Variants in TLK1 observed in about 807,000 individuals in gnomAD.
The protein encoded by TLK1 is serine/threonine-protein kinase tousled-like 1.
In TLK1, 24 loss-of-function variants were observed where a neutral mutation model predicts 105.3. That is an observed-to-expected ratio of 0.23 (90% CI 0.17 to 0.32). The LOEUF is 0.32. TLK1 is among the 10% of genes least tolerant of loss of function. TLK1 has a pLI of 1.00. For missense variants in TLK1, 558 were observed against 910.5 expected, an observed-to-expected ratio of 0.61 and a Z score of 4.98; for synonymous variants, 321 against 310.4, an observed-to-expected ratio of 1.03 and a Z score of -0.36.
intron 2 of TLK1, among the ~76,000 whole-genome samples, chr2:171,106,359 G>T (rs1689924467): frequency 6.6e-6 from 1 of 152,150 alleles, no homozygotes; most frequent in Non-Finnish European, 1.5e-5. Context: ...CTATCACAAA[G>T]AAATGATAAA....
In TLK1 at chr2:170,991,546, C is replaced by T. The variant is rs1322330324; in HGVS notation, c.*2234G>A. 2 of 152,176 alleles carry T rather than the reference C, an allele frequency of 1.3e-5. No individual in the cohort carries two copies. Among genetic ancestry groups the T allele is most frequent in the Admixed American group, 6.5e-5 (1 of 15,284 alleles). The allele number at this position is 152,176 out of a possible 1,614,324, so 9.4% of individuals were successfully genotyped here. A position where few individuals can be genotyped will look rare whatever the true frequency, so the allele number is the denominator to read the frequency against. On this transcript the variant is annotated 3_prime_UTR_variant, in exon 21 of 21. Transcript: ENST00000431350. ...CACATCTTTGATTTTAAAATGATGA[C>T]CTAAACCCAGGTCAGGAAAGCAACT...
intron 2 of TLK1, among the ~76,000 whole-genome samples, chr2:171,094,903 T>G (rs919661298): frequency 6.6e-5 from 10 of 152,176 alleles, no homozygotes; most frequent in Non-Finnish European, 1.2e-4. Context: ...CCACTGCGCC[T>G]GGCCTCAAAC....
At chr2:171,140,221 A>G (rs902038562) in intron 1 of TLK1, among the ~76,000 whole-genome samples, 5 of 152,258 alleles carry the variant, frequency 3.3e-5, no homozygotes, top group African/African-American at 1.2e-4. Context: ...CAATTAAAGA[A>G]TTAAAAATAA....
At chr2:171,082,970 A>C in intron 2 of TLK1, 118 bp from the exon 3 acceptor site, 1 of 695,588 alleles carries the variant, frequency 1.4e-6, no homozygotes, top group Non-Finnish European at 2.4e-6. Flanking sequence ...AATAAAGTAT[A>C]ATTCCTTAAA....
chr2:171,121,023 T>C (rs1437549628), intron 1 of TLK1, among the ~76,000 whole-genome samples: 1 of 152,048 alleles, frequency 6.6e-6, no homozygotes, highest in Non-Finnish European at 1.5e-5. Context: ...ATATGCTAAG[T>C]AAAATAAGCC....
intron 5 of TLK1, 29 bp from the exon 6 acceptor site, chr2:171,056,595 A>G (rs1424140440): frequency 1.3e-6 from 2 of 1,567,112 alleles, no homozygotes; most frequent in African/African-American, 2.7e-5. Context: ...AAGCATTATT[A>G]TTTACTAAAG....
intron 12 of TLK1, among the ~76,000 whole-genome samples, chr2:171,024,886 G>T (rs1358055122): frequency 6.6e-6 from 1 of 152,168 alleles, no homozygotes; most frequent in Non-Finnish European, 1.5e-5. Flanking sequence ...ATAAATGGGT[G>T]AGCAACGACT....
chr2:171,145,014 G>A (rs974594336), intron 1 of TLK1, among the ~76,000 whole-genome samples: 3 of 152,108 alleles, frequency 2.0e-5, no homozygotes, highest in African/African-American at 4.8e-5. Context: ...AAACCACACA[G>A]ATACCATCTT....
intron 11 of TLK1, among the ~76,000 whole-genome samples, chr2:171,043,701 G>A (rs1323155293): frequency 6.6e-6 from 1 of 152,054 alleles, no homozygotes; most frequent in African/African-American, 2.4e-5. Flanking sequence ...AGCAGGACTG[G>A]GCATCTACAG....
intron 2 of TLK1, among the ~76,000 whole-genome samples, chr2:171,091,216 T>G (rs1444412355): frequency 6.6e-6 from 1 of 152,198 alleles, no homozygotes; most frequent in Non-Finnish European, 1.5e-5. Context: ...ACAGAAAAAG[T>G]TTGCCGACCT....
At chr2:171,067,055 C>A in intron 3 of TLK1, 1 of 1,362,754 alleles carries the variant, frequency 7.3e-7, no homozygotes, top group Non-Finnish European at 9.7e-7. Flanking sequence ...GTATCATACC[C>A]CTACAAACAT....
chr2:171,215,324 A>G (rs199760723), intron 1 of TLK1, among the ~76,000 whole-genome samples: 1 of 151,962 alleles, frequency 6.6e-6, no homozygotes, highest in Admixed American at 6.6e-5. Flanking sequence ...TTCATAGGAA[A>G]GAGGATGGCT....
At chr2:171,136,943 A>C (rs1221250051) in intron 1 of TLK1, among the ~76,000 whole-genome samples, 3 of 152,240 alleles carry the variant, frequency 2.0e-5, no homozygotes, top group Non-Finnish European at 4.4e-5. Context: ...TTTAAAGAAC[A>C]CAGTCATCCC....
chr2:171,086,094 T>C (rs1322400231), intron 2 of TLK1, among the ~76,000 whole-genome samples: 1 of 152,226 alleles, frequency 6.6e-6, no homozygotes, highest in African/African-American at 2.4e-5. Flanking sequence ...AAAAAAACCT[T>C]ATAATCCTGA....
In TLK1 at chr2:171,006,158, T is replaced by A. The variant is rs770577559; in HGVS notation, c.1893A>T (p.Ala631=). The A allele has an allele frequency of 4.4e-6, 7 of 1,596,072 alleles. No homozygotes were observed. In the Middle Eastern group the frequency reaches 8.4e-4, roughly 191 times the overall value. Residue 631 remains alanine (A), a synonymous_variant, in exon 18 of 21, where the codon GCA becomes GCT. Coordinates refer to ENST00000431350, the MANE Select transcript of TLK1 (RefSeq NM_012290.5). ...VDGMDLTSQG[A]GTYWYLPPEC... is the part of the protein sequence containing the mutation. ...AGTAATACACTTACCAGTAAGTGCC[T>A]GCCCCCTGGGAAGTTAGATCCATTC...
At chr2:171,120,852 C>G (rs1690624365) in intron 1 of TLK1, among the ~76,000 whole-genome samples, 1 of 152,216 alleles carries the variant, frequency 6.6e-6, no homozygotes, top group Admixed American at 6.5e-5. Context: ...AACACATTTA[C>G]AGCAGCATTA....
At position 171,082,769 on chromosome 2, in the gene TLK1, G is replaced by A. The variant is rs1055963359; in HGVS notation, c.330+12C>T. The A allele has an allele frequency of 2.3e-5, 37 of 1,579,546 alleles. No homozygotes were observed. The highest frequency in any genetic ancestry group is 2.8e-5 in the Non-Finnish European group (32 of 1,157,680). On this transcript the variant is annotated intron_variant, in intron 3 of 20. Transcript: ENST00000431350. ...ACTTTAATAGCACCATATTTAAAAT[G>A]AAATTACTTACCTCTGATTCTTTGT... is the stretch of plus-strand genomic sequence containing the variant.
intron 18 of TLK1, 143 bp from the exon 19 acceptor site, chr2:170,997,966 T>G (rs962467132): frequency 6.4e-5 from 32 of 497,328 alleles, no homozygotes; most frequent in African/African-American, 5.6e-4. Flanking sequence ...ACTGAACTTC[T>G]GGAGCATTTA....
intron 12 of TLK1, among the ~76,000 whole-genome samples, chr2:171,022,452 G>A (rs1685574703): frequency 6.6e-6 from 1 of 151,898 alleles, no homozygotes. Context: ...CTCCCTCCAA[G>A]AAATCAGGAA....
Sources: allele counts gnomAD v4.1 joint callset (sites outside exome capture counted in the v4.1 genomes callset), GRCh38; gene constraint gnomAD v4.1.1; transcripts MANE v1.5; gene names NCBI Gene and HGNC (gene_info 2026-07-23, HGNC 2026-07-21).